Variants in DSCAML1 observed in about 807,000 individuals in gnomAD.
The protein encoded by DSCAML1 is DS cell adhesion molecule like 1.
DSCAML1 carries 38 observed loss-of-function variants against 200.5 expected under a neutral mutation model. That is an observed-to-expected ratio of 0.19 (90% confidence interval 0.15 to 0.25). DSCAML1 has a LOEUF of 0.25. Among genes scored for constraint, DSCAML1 ranks in the 10% least tolerant of loss-of-function variants. The pLI is 1.00. For synonymous variants in DSCAML1, 1,215 were observed against 1,165.0 expected, an observed-to-expected ratio of 1.04 and a Z score of -0.87; for missense variants, 2,223 against 2,858.8, an observed-to-expected ratio of 0.78 and a Z score of 5.07.
rs1251775530 is a variant in DSCAML1 at position 117,730,599 on chromosome 11, C to A, written c.511+46192G>T. On this transcript the variant is annotated intron_variant, in intron 3 of 32. Transcript: ENST00000651296. The stretch of plus-strand genomic sequence containing the variant: ...GTGACGAAACTGGGACCCTTATACC[C>A]TGCTGGTGGGAATGTAAAGTGTGCA... 3.9e-5 allele frequency among the ~76,000 whole-genome samples: 6 copies of A among 152,302 alleles called. No individual in the cohort carries two copies. In the East Asian group the frequency reaches 1.2e-3, roughly 29 times the overall value.
chr11:117,594,345 G>A (rs1170520962), intron 3 of DSCAML1, among the ~76,000 whole-genome samples: 2 of 152,228 alleles, frequency 1.3e-5, no homozygotes, highest in African/African-American at 4.8e-5. Context: ...TGCATGAAAT[G>A]CCAGTAGATC....
chr11:117,614,873 C>G (rs1300191460), intron 3 of DSCAML1, among the ~76,000 whole-genome samples: 2 of 152,208 alleles, frequency 1.3e-5, no homozygotes, highest in Admixed American at 6.5e-5. Flanking sequence ...CATCTGCCCC[C>G]TCACAGTGTG....
At chr11:117,756,929 T>C (rs2054704083) in intron 3 of DSCAML1, among the ~76,000 whole-genome samples, 1 of 152,050 alleles carries the variant, frequency 6.6e-6, no homozygotes, top group African/African-American at 2.4e-5. Flanking sequence ...TGCTGTAGAA[T>C]TGGGGTTGCT....
At chr11:117,554,924 C>T (rs2050533903) in intron 3 of DSCAML1, among the ~76,000 whole-genome samples, 1 of 152,196 alleles carries the variant, frequency 6.6e-6, no homozygotes, top group East Asian at 1.9e-4. Flanking sequence ...CTAATGGAGA[C>T]AGTACCCAAA....
intron 3 of DSCAML1, among the ~76,000 whole-genome samples, chr11:117,628,458 T>C (rs2052102171): frequency 6.6e-6 from 1 of 152,216 alleles, no homozygotes; most frequent in Non-Finnish European, 1.5e-5. Flanking sequence ...ACGTGCAAAA[T>C]GTAAAATCCT....
chr11:117,507,414 C>T (rs1165683700), intron 8 of DSCAML1, among the ~76,000 whole-genome samples: 1 of 152,164 alleles, frequency 6.6e-6, no homozygotes, highest in Non-Finnish European at 1.5e-5. Flanking sequence ...CTCAGGGCAC[C>T]CCTGCACTTT....
chr11:117,696,059 T>G (rs2137732032), intron 3 of DSCAML1, among the ~76,000 whole-genome samples: 1 of 152,232 alleles, frequency 6.6e-6, no homozygotes, highest in African/African-American at 2.4e-5. Context: ...AAAAGAATTA[T>G]TAGAAGATTT....
At chr11:117,800,209 T>C (rs181458925), upstream of DSCAML1, among the ~76,000 whole-genome samples, 131 of 152,242 alleles carry the variant, frequency 8.6e-4, 1 homozygote, top group Non-Finnish European at 1.5e-3. Context: ...CGACAGGAGT[T>C]GTATTGGGGT....
intron 3 of DSCAML1, among the ~76,000 whole-genome samples, chr11:117,597,757 A>G (rs1206428448): frequency 6.6e-6 from 1 of 152,094 alleles, no homozygotes; most frequent in Non-Finnish European, 1.5e-5. Flanking sequence ...CACCTGGCTA[A>G]TTCTGATTTT....
chr11:117,780,182 A>AG lies in DSCAML1; in HGVS notation c.364+310_364+311insC, dbSNP rs1254284079. On this transcript the variant is annotated intron_variant, in intron 2 of 32. Coordinates refer to ENST00000651296, the MANE Select transcript of DSCAML1 (RefSeq NM_020693.4). This position sits in a 1 kb window ranked among gnomAD's most constrained non-coding sequence, Gnocchi z 4.8. Reference sequence around the variant, plus strand: ...GAGAAAGAAAGAAAGAAAAAAAGAAAAAAAGAAAGAAAGAAAGAGAAAGAA... The same window carrying AG: ...GAGAAAGAAAGAAAGAAAAAAAGAAAGAAAAGAAAGAAAGAAAGAGAAAGAA... Among the ~76,000 whole-genome samples the AG allele has an allele frequency of 1.6e-4, 19 of 116,636 alleles. No homozygotes were observed. The highest frequency in any genetic ancestry group is 2.4e-4 in the East Asian group (1 of 4,100). The allele number at this position is 116,636 out of a possible 152,430, so 76.5% of individuals were successfully genotyped here.
chr11:117,504,780 G>T lies in DSCAML1; in HGVS notation c.2182+144C>A. ...TGAGGATGACTCCAGGTGAGGTGTA[G>T]CCTGGGGTCCACTGGGGTGCAGACC... On this transcript the variant is annotated intron_variant, in intron 10 of 32. Transcript: ENST00000651296. This position sits in a 1 kb window ranked among gnomAD's most constrained non-coding sequence, Gnocchi z 5.0. The T allele has an allele frequency of 8.4e-7, 1 of 1,194,018 alleles. No homozygotes were observed. Among genetic ancestry groups the T allele is most frequent in the Non-Finnish European group, 1.1e-6 (1 of 908,888 alleles). 74.0% of individuals were successfully genotyped at this position (1,194,018 alleles called of 1,614,324 possible). A position where few individuals can be genotyped will look rare whatever the true frequency, so the allele number is the denominator to read the frequency against.
At chr11:117,460,199 T>C (rs777067472) in intron 18 of DSCAML1, among the ~76,000 whole-genome samples, 2 of 152,200 alleles carry the variant, frequency 1.3e-5, no homozygotes, top group Non-Finnish European at 1.5e-5. Context: ...AATATGAATG[T>C]AGTGAGGTCA....
At chr11:117,741,415 T>C (rs1338493790) in intron 3 of DSCAML1, among the ~76,000 whole-genome samples, 1 of 152,256 alleles carries the variant, frequency 6.6e-6, no homozygotes, top group African/African-American at 2.4e-5. Context: ...TTAGCCTGGA[T>C]CCCTGGATGA....
intron 27 of DSCAML1, 66 bp from the exon 28 acceptor site, chr11:117,433,537 G>A (rs2047847640): frequency 6.4e-7 from 1 of 1,554,856 alleles, no homozygotes; most frequent in South Asian, 1.2e-5. Context: ...GACAATGGGA[G>A]AGGCATGGGA....
At position 117,780,638 on chromosome 11, in the gene DSCAML1, G is replaced by C. The variant is rs2055238497; in HGVS notation, c.219C>G (p.Ile73Met). ...TGDDIYDVPH[I>M]RHVHANGTLQ... ...GCGTCCCGTTGGCGTGGACGTGCCG[G>C]ATGTGCGGCACGTCGTAGATGTCGT... Residue 73 changes from isoleucine to methionine, a missense_variant, in exon 2 of 33, where the codon ATC (isoleucine) becomes ATG (methionine). Transcript: ENST00000651296. This position sits in a 1 kb window ranked among gnomAD's most constrained non-coding sequence, Gnocchi z 4.8. The C allele has an allele frequency of 1.3e-6, 2 of 1,590,048 alleles. No individual in the cohort carries two copies. Among genetic ancestry groups the C allele is most frequent in the African/African-American group, 1.4e-5 (1 of 74,054 alleles).
At chr11:117,774,729 A>T (rs1833722578) in intron 3 of DSCAML1, among the ~76,000 whole-genome samples, 1 of 152,180 alleles carries the variant, frequency 6.6e-6, no homozygotes, top group African/African-American at 2.4e-5. Context: ...GGATACATTT[A>T]TACGGTGGGT....
intron 3 of DSCAML1, among the ~76,000 whole-genome samples, chr11:117,696,096 G>T (rs1208445835): frequency 6.6e-6 from 1 of 152,226 alleles, no homozygotes; most frequent in Non-Finnish European, 1.5e-5. Context: ...GAAGGAAAAG[G>T]GGAAGTAGGT....
intron 3 of DSCAML1, among the ~76,000 whole-genome samples, chr11:117,741,556 T>C (rs2054423462): frequency 6.6e-6 from 1 of 152,246 alleles, no homozygotes; most frequent in South Asian, 2.1e-4. Context: ...GAATGCAGTG[T>C]TATTCCCATT....
At position 117,504,592 on chromosome 11, in the gene DSCAML1, GC is replaced by G. The variant is rs1480447932; in HGVS notation, c.2182+331del. On this transcript the variant is annotated intron_variant, in intron 10 of 32. Coordinates refer to ENST00000651296, the MANE Select transcript of DSCAML1 (RefSeq NM_020693.4). This position sits in a 1 kb window ranked among gnomAD's most constrained non-coding sequence, Gnocchi z 5.0. Reference sequence around the variant, plus strand: ...AAGGTTGACTGGTGAGAAGCAGGGGGCTTTGAGGCTCTGGGGCCCCAGGGGA... The same window carrying G: ...AAGGTTGACTGGTGAGAAGCAGGGGGTTTGAGGCTCTGGGGCCCCAGGGGA... Among the ~76,000 whole-genome samples, 1 of 152,188 alleles carries G rather than the reference GC, an allele frequency of 6.6e-6. No homozygotes were observed. The highest frequency in any genetic ancestry group is 1.9e-4 in the East Asian group (1 of 5,188).
Sources: gnomAD v4.1 joint callset for allele counts (sites outside exome capture counted in the v4.1 genomes callset) on GRCh38, gnomAD v4.1.1 for gene constraint, Gnocchi (gnomAD v3.1) non-coding constraint, MANE v1.5 for transcripts, NCBI Gene and HGNC (gene_info 2026-07-23, HGNC 2026-07-21) for gene names.